Variants in AFG1L observed in about 807,000 individuals in gnomAD.
AFG1L encodes the protein AFG1 like ATPase.
AFG1L carries 53 observed loss-of-function variants against 62.2 expected under a neutral mutation model. The observed-to-expected ratio is 0.85, with a 90% confidence interval of 0.68 to 1.07. The LOEUF is 1.07. Among genes scored for constraint, AFG1L ranks in the 50% least tolerant of loss-of-function variants. The probability of loss-of-function intolerance (pLI) is 0.00; values close to 1 mark genes in which losing one functional copy is unlikely to be tolerated. For synonymous variants in AFG1L, 228 were observed against 210.3 expected (o/e 1.08, Z -0.73); for missense variants, 555 against 590.5 (o/e 0.94, Z 0.62).
At chr6:108,321,662 T>A (rs144018330) in intron 1 of AFG1L, among the ~76,000 whole-genome samples, 1 of 152,322 alleles carries the variant, frequency 6.6e-6, no homozygotes, top group African/African-American at 2.4e-5. Context: ...GGCAAATATC[T>A]CAAATTGCCG....
chr6:108,311,089 A>G lies in AFG1L; in HGVS notation c.140-12736A>G, dbSNP rs147668895. ...CTTTTAAGTGGCTCCTGTGGCCTTT[A>G]AGGGTTAAATTCAAACTGCTTATCA... On this transcript the variant is annotated intron_variant, in intron 1 of 12. Transcript: ENST00000368977. 2.9e-4 allele frequency among the ~76,000 whole-genome samples: 44 copies of G among 152,246 alleles called. No homozygotes were observed. In the East Asian group the frequency reaches 7.9e-3, roughly 27 times the overall value.
chr6:108,307,248 G>A (rs1029556433), intron 1 of AFG1L, among the ~76,000 whole-genome samples: 2 of 151,946 alleles, frequency 1.3e-5, no homozygotes, highest in Non-Finnish European at 2.9e-5. Context: ...TCCTGACGTC[G>A]TGATTTGCCC....
At chr6:108,306,865 C>T (rs1242890911) in intron 1 of AFG1L, among the ~76,000 whole-genome samples, 3 of 152,134 alleles carry the variant, frequency 2.0e-5, no homozygotes, top group Non-Finnish European at 2.9e-5. Flanking sequence ...TTTAGGTTAC[C>T]TTTTCTGTGT....
intron 7 of AFG1L, among the ~76,000 whole-genome samples, chr6:108,418,572 G>A (rs1770437304): frequency 6.6e-6 from 1 of 152,154 alleles, no homozygotes; most frequent in African/African-American, 2.4e-5. Flanking sequence ...TTGGAGAAAG[G>A]GGCATTCCAA....
intron 6 of AFG1L, among the ~76,000 whole-genome samples, chr6:108,399,673 C>CT (rs1215452077): frequency 0.12 from 9,989 of 84,842 alleles, 723 homozygotes; most frequent in African/African-American, 0.21. Context: ...AATAGTTTTC[C>CT]TTTTTTTTTT....
chr6:108,411,288 G>A (rs1582543557), intron 7 of AFG1L, among the ~76,000 whole-genome samples: 1 of 152,216 alleles, frequency 6.6e-6, no homozygotes, highest in South Asian at 2.1e-4. Flanking sequence ...GGAGCCCATC[G>A]CAGCTCAAGG....
intron 3 of AFG1L, among the ~76,000 whole-genome samples, chr6:108,350,621 GGTA>G (rs1305391184): frequency 6.6e-6 from 1 of 152,162 alleles, no homozygotes; most frequent in Non-Finnish European, 1.5e-5. Flanking sequence ...CAAAAGCTGT[GGTA>G]GTAGTATTTT....
chr6:108,433,339 G>A (rs912317648), intron 7 of AFG1L, among the ~76,000 whole-genome samples: 1 of 152,022 alleles, frequency 6.6e-6, no homozygotes, highest in Non-Finnish European at 1.5e-5. Flanking sequence ...GAGTGCAGTG[G>A]CGCGACTTCA....
intron 6 of AFG1L, among the ~76,000 whole-genome samples, chr6:108,399,486 A>G (rs1357772684): frequency 1.3e-5 from 2 of 151,096 alleles, no homozygotes; most frequent in African/African-American, 2.4e-5. Flanking sequence ...GCGCCTGGCC[A>G]TCTTTCACTT....
At chr6:108,403,792 T>C (rs1031324397) in intron 7 of AFG1L, among the ~76,000 whole-genome samples, 4 of 152,098 alleles carry the variant, frequency 2.6e-5, no homozygotes. Context: ...GCTGTACTTT[T>C]TTTTTTTTCC....
chr6:108,475,946 C>T (rs1357855833), intron 8 of AFG1L, among the ~76,000 whole-genome samples: 1 of 152,094 alleles, frequency 6.6e-6, no homozygotes, highest in Non-Finnish European at 1.5e-5. Context: ...TAATTGCTTC[C>T]ACTACTACGT....
intron 6 of AFG1L, among the ~76,000 whole-genome samples, chr6:108,397,459 G>T (rs968520322): frequency 6.6e-6 from 1 of 152,060 alleles, no homozygotes; most frequent in Non-Finnish European, 1.5e-5. Context: ...ATTTCACCAT[G>T]TTGGCCAGGC....
chr6:108,363,700 G>T (rs1779634306), intron 5 of AFG1L, among the ~76,000 whole-genome samples: 1 of 150,682 alleles, frequency 6.6e-6, no homozygotes. Flanking sequence ...TACTAATATG[G>T]GTCCAGAAAA....
At chr6:108,408,425 A>G (rs1049707523) in intron 7 of AFG1L, among the ~76,000 whole-genome samples, 10 of 152,210 alleles carry the variant, frequency 6.6e-5, no homozygotes, top group African/African-American at 2.2e-4. Flanking sequence ...CAAAGATTAC[A>G]TTCCCTATGC....
intron 8 of AFG1L, among the ~76,000 whole-genome samples, chr6:108,471,575 C>T (rs1321090528): frequency 6.7e-6 from 1 of 150,286 alleles, no homozygotes; most frequent in Non-Finnish European, 1.5e-5. Context: ...ATTCTCCTGC[C>T]TCAGCCTTCC....
intron 1 of AFG1L, among the ~76,000 whole-genome samples, chr6:108,315,174 G>T (rs1455604696): frequency 1.3e-5 from 2 of 152,036 alleles, no homozygotes; most frequent in East Asian, 1.9e-4. Flanking sequence ...CCACTGTGCT[G>T]GGCCTCTTAT....
intron 10 of AFG1L, among the ~76,000 whole-genome samples, chr6:108,498,374 G>A (rs1236244905): frequency 6.6e-6 from 1 of 152,028 alleles, no homozygotes; most frequent in Non-Finnish European, 1.5e-5. Flanking sequence ...ATTCTCCAGT[G>A]GGTTTTAAAT....
chr6:108,435,973 C>A (rs1771290261), intron 7 of AFG1L, among the ~76,000 whole-genome samples: 1 of 152,086 alleles, frequency 6.6e-6, no homozygotes, highest in Admixed American at 6.5e-5. Context: ...GCTGAAGAGA[C>A]AATGATGACA....
chr6:108,479,856 A>G (rs113391450), intron 10 of AFG1L, among the ~76,000 whole-genome samples: 4,338 of 152,272 alleles, frequency 0.028, 96 homozygotes, highest in Middle Eastern at 0.085. Context: ...CTTGAAGCCC[A>G]AGACTTGCCC....
Sources: gnomAD v4.1 joint callset for allele counts (sites outside exome capture counted in the v4.1 genomes callset) on GRCh38, gnomAD v4.1.1 for gene constraint, MANE v1.5 for transcripts, NCBI Gene and HGNC (gene_info 2026-07-23, HGNC 2026-07-21) for gene names.